ASTN2: variants seen among roughly 807,000 people sequenced by gnomAD.
ASTN2 encodes astrotactin-2.
Under a neutral mutation model 139.8 loss-of-function variants are expected in ASTN2, and 54 were observed. That is an observed-to-expected ratio of 0.39 (90% CI 0.31 to 0.48). ASTN2 has a LOEUF of 0.48. Ranked by LOEUF, ASTN2 falls within the 20% of genes least tolerant of loss-of-function variation. The pLI, the probability that ASTN2 is intolerant of heterozygous loss-of-function variation, is 0.95. For synonymous variants in ASTN2, 756 were observed against 719.5 expected (o/e 1.05, Z -0.81); for missense variants, 1,565 against 1,725.1 (o/e 0.91, Z 1.64).
At chr9:116,570,076 C>A (rs1322471802) in intron 19 of ASTN2, among the ~76,000 whole-genome samples, 2 of 152,170 alleles carry the variant, frequency 1.3e-5, no homozygotes, top group Non-Finnish European at 2.9e-5. Flanking sequence ...CGAATCTGGG[C>A]TCCCTAACTT....
chr9:116,512,782 T>C (rs1850456033), intron 19 of ASTN2, among the ~76,000 whole-genome samples: 1 of 152,216 alleles, frequency 6.6e-6, no homozygotes, highest in Admixed American at 6.5e-5. Context: ...CTTTTGATCT[T>C]TGTTGGTTTA....
At chr9:116,838,920 G>C (rs1353584953) in intron 11 of ASTN2, among the ~76,000 whole-genome samples, 1 of 152,144 alleles carries the variant, frequency 6.6e-6, no homozygotes, top group Non-Finnish European at 1.5e-5. Context: ...GAGGAAAATG[G>C]GGAATTTTCT....
rs147715864 is a variant in ASTN2, at chr9:116,849,040, T to C, written c.2040+14543A>G. Among the ~76,000 whole-genome samples, 920 of 152,292 alleles carry C rather than the reference T, an allele frequency of 6.0e-3. 6 individuals are homozygous for C. The highest frequency in any genetic ancestry group is 0.021 in the African/African-American group (862 of 41,546). ...CTCACAGAACTCAGGGAAATACTTA[T>C]GTTCCCTGGTTTATTATAAAGGATA... On this transcript the variant is annotated intron_variant, in intron 11 of 22. Transcript: ENST00000313400.
intron 17 of ASTN2, among the ~76,000 whole-genome samples, chr9:116,643,439 A>ATT (rs1469688708): frequency 6.6e-6 from 1 of 152,202 alleles, no homozygotes; most frequent in Non-Finnish European, 1.5e-5. Flanking sequence ...TGATACGTAA[A>ATT]TCAAGATATG....
chr9:117,200,623 G>A (rs956430851), intron 3 of ASTN2, among the ~76,000 whole-genome samples: 2 of 152,158 alleles, frequency 1.3e-5, no homozygotes, highest in African/African-American at 4.8e-5. Flanking sequence ...AGATAATCAT[G>A]TGGTTTTTGT....
intron 4 of ASTN2, among the ~76,000 whole-genome samples, chr9:117,096,839 C>T (rs779094586): frequency 6.6e-6 from 1 of 152,096 alleles, no homozygotes; most frequent in African/African-American, 2.4e-5. Flanking sequence ...TGGGCCTGCA[C>T]TGATAGAAAA....
chr9:116,958,605 A>AC (rs1176466156), intron 10 of ASTN2, among the ~76,000 whole-genome samples: 26 of 152,162 alleles, frequency 1.7e-4, no homozygotes, highest in South Asian at 6.2e-4. Flanking sequence ...AAACAAACAA[A>AC]AAAAAGAGCC....
intron 15 of ASTN2, among the ~76,000 whole-genome samples, chr9:116,727,733 T>C (rs1004971113): frequency 1.3e-5 from 2 of 152,176 alleles, no homozygotes; most frequent in African/African-American, 4.8e-5. Flanking sequence ...CCTTGATTCA[T>C]TCATTCCCTG....
chr9:116,754,313 TG>T (rs912466704), intron 13 of ASTN2, among the ~76,000 whole-genome samples: 16 of 152,204 alleles, frequency 1.1e-4, no homozygotes, highest in Non-Finnish European at 2.2e-4. Context: ...TATAATCCTT[TG>T]GGTATATACC....
rs777939318 is a variant in ASTN2 at position 116,728,974 on chromosome 9, C to A, written c.2626+18G>T. ...AAATTATTCCAAGTCCCCTGGCTGC[C>A]CAGGCAGTGGTCCTCACCTGCTGCG... On this transcript the variant is annotated intron_variant, in intron 15 of 22. Transcript: ENST00000313400. 6.4e-7 allele frequency: 1 copy of A among 1,568,370 alleles called. No homozygotes were observed. Among genetic ancestry groups the A allele is most frequent in the South Asian group, 1.2e-5 (1 of 85,456 alleles).
intron 4 of ASTN2, among the ~76,000 whole-genome samples, chr9:117,134,581 T>C (rs1347916250): frequency 2.0e-5 from 3 of 152,020 alleles, no homozygotes. Flanking sequence ...CGTTACCCCC[T>C]GCACAGCTTC....
intron 19 of ASTN2, among the ~76,000 whole-genome samples, chr9:116,581,730 C>G (rs1853961309): frequency 6.6e-6 from 1 of 152,200 alleles, no homozygotes. Flanking sequence ...CCACTGTGAT[C>G]ATTTTTCTTC....
chr9:117,010,143 T>A (rs190943130), intron 6 of ASTN2, among the ~76,000 whole-genome samples: 119 of 152,286 alleles, frequency 7.8e-4, no homozygotes, highest in Middle Eastern at 3.4e-3. Context: ...ACATTTCAAG[T>A]TGGCCCTAAA....
In ASTN2 at chr9:116,838,101, G is replaced by GTTTTT. The variant is rs752512675; in HGVS notation, c.2041-17323_2041-17319dup. On this transcript the variant is annotated intron_variant, in intron 11 of 22. Transcript: ENST00000313400. Reference sequence around the variant, plus strand: ...CTGGATTCCAGTTCTGCCTGGCTGTGTTTTTTTTTGTTTTGTTTTGTTTTT... The same window carrying GTTTTT: ...CTGGATTCCAGTTCTGCCTGGCTGTGTTTTTTTTTTTTTTGTTTTGTTTTGTTTTT... Among the ~76,000 whole-genome samples, 94 of 134,100 alleles carry GTTTTT rather than the reference G, an allele frequency of 7.0e-4. 6 individuals carry two copies. Among genetic ancestry groups the GTTTTT allele is most frequent in the East Asian group, 2.4e-3 (9 of 3,806 alleles). 88.0% of individuals were successfully genotyped at this position (134,100 alleles called of 152,430 possible). A position where few individuals can be genotyped will look rare whatever the true frequency, so the allele number is the denominator to read the frequency against.
At chr9:116,495,231 G>C (rs1849633441) in intron 19 of ASTN2, among the ~76,000 whole-genome samples, 1 of 152,158 alleles carries the variant, frequency 6.6e-6, no homozygotes, top group Admixed American at 6.5e-5. Context: ...CCCTCTAGTG[G>C]ACACCTGTTG....
At chr9:116,607,778 G>A (rs1037927757) in intron 19 of ASTN2, among the ~76,000 whole-genome samples, 44 of 150,012 alleles carry the variant, frequency 2.9e-4, no homozygotes, top group African/African-American at 1.1e-3. Context: ...TGGCTAACAC[G>A]GTGAAGCCCC....
intron 3 of ASTN2, among the ~76,000 whole-genome samples, chr9:117,162,539 A>C (rs1222025559): frequency 2.0e-5 from 3 of 152,040 alleles, no homozygotes; most frequent in African/African-American, 7.2e-5. Context: ...GCTACTAAAA[A>C]CAAGGACTCT....
chr9:116,491,609 A>G (rs1366834442), intron 19 of ASTN2, among the ~76,000 whole-genome samples: 1 of 152,238 alleles, frequency 6.6e-6, no homozygotes, highest in Non-Finnish European at 1.5e-5. Context: ...AAACTGTAAG[A>G]TAGCTTTTTT....
At chr9:116,561,550 T>C (rs1852915857) in intron 19 of ASTN2, among the ~76,000 whole-genome samples, 1 of 152,018 alleles carries the variant, frequency 6.6e-6, no homozygotes, top group South Asian at 2.1e-4. Flanking sequence ...CAAAGTAGAC[T>C]ACCAAAGAGA....
Sources: gnomAD v4.1 joint callset for allele counts (sites outside exome capture counted in the v4.1 genomes callset) on GRCh38, gnomAD v4.1.1 for gene constraint, MANE v1.5 for transcripts, NCBI Gene and HGNC (gene_info 2026-07-23, HGNC 2026-07-21) for gene names.